CPD: variants seen among roughly 807,000 people sequenced by gnomAD.
The protein encoded by CPD is carboxypeptidase D.
CPD carries 69 observed loss-of-function variants against 138.3 expected under a neutral mutation model. That is an observed-to-expected ratio of 0.50 (90% CI 0.41 to 0.61). The LOEUF (loss-of-function observed/expected upper bound fraction) is 0.61. Ranked by LOEUF, CPD falls within the 20% of genes least tolerant of loss-of-function variation. The probability of loss-of-function intolerance (pLI) is 0.00; values close to 1 mark genes in which losing one functional copy is unlikely to be tolerated. For synonymous variants in CPD, 651 were observed against 642.1 expected (o/e 1.01, Z -0.21); for missense variants, 1,432 against 1,733.3 (o/e 0.83, Z 3.09).
intron 12 of CPD, among the ~76,000 whole-genome samples, chr17:30,447,269 G>A (rs558479876): frequency 1.3e-5 from 2 of 152,116 alleles, no homozygotes; most frequent in Non-Finnish European, 2.9e-5. Flanking sequence ...GTCCTGAATG[G>A]TATTGCCTAG....
intron 13 of CPD, among the ~76,000 whole-genome samples, chr17:30,450,034 C>T (rs1160376816): frequency 1.3e-5 from 2 of 151,396 alleles, no homozygotes; most frequent in African/African-American, 4.8e-5. Context: ...ACTACCCTTC[C>T]AGTCTTTATT....
In CPD at chr17:30,464,791, A is replaced by G. The variant is rs778264508; in HGVS notation, c.4120A>G (p.Thr1374Ala). 3 of 1,613,766 alleles carry G rather than the reference A, an allele frequency of 1.9e-6. No individual in the cohort carries two copies. The highest frequency in any genetic ancestry group is 2.2e-5 in the East Asian group (1 of 44,892). ...FQDETDTEEE[T>A]LYSSKH ...GGATGAAACAGACACTGAAGAGGAA[A>G]CATTATATTCTAGCAAACATTGAAA... The change falls in exon 21 of 21, where the codon ACA (threonine) becomes GCA (alanine). Residue 1374 changes from threonine (T) to alanine (A), a missense_variant. By Grantham distance (58) the Thr-to-Ala change is moderately conservative (BLOSUM62 0). Transcript: ENST00000225719.
chr17:30,398,988 A>T (rs989343635), intron 2 of CPD, among the ~76,000 whole-genome samples: 1 of 151,988 alleles, frequency 6.6e-6, no homozygotes, highest in African/African-American at 2.4e-5. Context: ...CTCTTCAGAC[A>T]TTTATGAGTT....
At chr17:30,429,531 C>G (rs534909877) in intron 7 of CPD, among the ~76,000 whole-genome samples, 1 of 152,116 alleles carries the variant, frequency 6.6e-6, no homozygotes, top group South Asian at 2.1e-4. Flanking sequence ...GTAAAAAATC[C>G]TCATAGAGTC....
At chr17:30,423,766 A>G in intron 6 of CPD, 69 bp downstream of exon 6, 1 of 1,184,204 alleles carries the variant, frequency 8.4e-7, no homozygotes, top group Non-Finnish European at 1.1e-6. Context: ...TGGAGAAGAG[A>G]ATTTGAACTG....
chr17:30,398,912 C>T (rs185845029), intron 2 of CPD, among the ~76,000 whole-genome samples: 27 of 150,268 alleles, frequency 1.8e-4, no homozygotes, highest in East Asian at 5.8e-4. Context: ...TGAATAAAGA[C>T]GTTTTGATAT....
At chr17:30,443,152 T>C (rs1394579970) in intron 10 of CPD, among the ~76,000 whole-genome samples, 1 of 152,180 alleles carries the variant, frequency 6.6e-6, no homozygotes, top group African/African-American at 2.4e-5. Context: ...GTAAATTTTA[T>C]TTACACACTC....
intron 2 of CPD, among the ~76,000 whole-genome samples, chr17:30,397,425 A>T (rs889748991): frequency 6.6e-6 from 1 of 152,154 alleles, no homozygotes; most frequent in Non-Finnish European, 1.5e-5. Context: ...ATGGAAAAAA[A>T]GTTCAAAGAG....
intron 2 of CPD, among the ~76,000 whole-genome samples, chr17:30,409,281 G>A (rs1043598914): frequency 4.6e-5 from 7 of 152,152 alleles, no homozygotes; most frequent in Admixed American, 2.0e-4. Flanking sequence ...AAGGATTTTC[G>A]CATCGACATT....
At chr17:30,428,904 A>G (rs1689941998) in intron 7 of CPD, among the ~76,000 whole-genome samples, 1 of 151,790 alleles carries the variant, frequency 6.6e-6, no homozygotes, top group South Asian at 2.1e-4. Flanking sequence ...AGTGACAAGT[A>G]TTAGCACCAG....
At chr17:30,421,130 A>G (rs563077557) in intron 3 of CPD, 147 bp downstream of exon 3, 57 of 627,902 alleles carry the variant, frequency 9.1e-5, no homozygotes, top group Admixed American at 2.8e-4. Flanking sequence ...TTTAAAGATT[A>G]TTAGATTATA....
chr17:30,463,135 C>T (rs546215113), intron 20 of CPD, among the ~76,000 whole-genome samples: 18 of 152,280 alleles, frequency 1.2e-4, no homozygotes, highest in African/African-American at 4.1e-4. Context: ...CAGTTTATGG[C>T]CATATTTTGG....
In CPD at chr17:30,464,717, G is replaced by T; in HGVS notation, c.4046G>T (p.Arg1349Leu). 1.9e-6 allele frequency: 3 copies of T among 1,613,946 alleles called. No individual in the cohort carries two copies. Among genetic ancestry groups the T allele is most frequent in the African/African-American group, 1.3e-5 (1 of 74,994 alleles). ...CATGATGAGTATGAAGATGAAATTC[G>T]CATGATGTCTACCGGCTCCAAGAAG... The part of the protein sequence containing the change: ...QHHDEYEDEI[R>L]MMSTGSKKSL... The change falls in exon 21 of 21, where the codon CGC (arginine) becomes CTC (leucine). Residue 1349 changes from arginine to leucine, a missense_variant. Around this residue, in one of 6 missense-constraint regions of CPD, gnomAD observed 366 missense variants for 518.8 expected, o/e 0.71. Transcript: ENST00000225719.
chr17:30,420,789 A>T (rs947274580), intron 2 of CPD, 52 bp from the exon 3 acceptor site: 3 of 1,498,456 alleles, frequency 2.0e-6, no homozygotes, highest in Non-Finnish European at 2.7e-6. Context: ...AGTCTTTTGG[A>T]GGGTAGAATT....
In CPD at chr17:30,445,751, C is replaced by T; in HGVS notation, c.2604C>T (p.Phe868=). The change falls in exon 12 of 21, where the codon TTC becomes TTT. Residue 868 remains phenylalanine (F), a synonymous_variant. Coordinates refer to ENST00000225719, the MANE Select transcript of CPD (RefSeq NM_001304.5). ...VKSEGAIQVN[F]TLVRSSTDSN... ...GTGAAGGCGCTATTCAGGTCAACTT[C>T]ACACTTGTTCGATCCTCAACAGATT... is the stretch of plus-strand genomic sequence containing the variant. 2 of 1,613,720 alleles carry T rather than the reference C, an allele frequency of 1.2e-6. No individual in the cohort carries two copies. Among genetic ancestry groups the T allele is most frequent in the Non-Finnish European group, 1.7e-6 (2 of 1,179,886 alleles).
intron 2 of CPD, among the ~76,000 whole-genome samples, chr17:30,420,423 T>C (rs1248972683): frequency 6.6e-6 from 1 of 152,238 alleles, no homozygotes; most frequent in Non-Finnish European, 1.5e-5. Context: ...AATTTCTTTG[T>C]GCCCTACTTT....
At position 30,426,093 on chromosome 17, in the gene CPD, G is replaced by A. The variant is rs1269183070; in HGVS notation, c.1850-1298G>A. 3.3e-5 allele frequency among the ~76,000 whole-genome samples: 5 copies of A among 152,010 alleles called. No individual in the cohort carries two copies. The East Asian group carries it at 5.8e-4, about 18-fold the overall frequency. On this transcript the variant is annotated intron_variant, in intron 6 of 20. Coordinates refer to ENST00000225719, the MANE Select transcript of CPD (RefSeq NM_001304.5). ...CGCACACCTGTAATCCCAGCTACTC[G>A]GGAGGCTGAGGCAGGAGAATGGCGT... is the stretch of plus-strand genomic sequence containing the variant.
At chr17:30,460,815 C>A in intron 17 of CPD, among the ~76,000 whole-genome samples, 1 of 152,160 alleles carries the variant, frequency 6.6e-6, no homozygotes, top group Admixed American at 6.5e-5. Flanking sequence ...TCCATAGCTT[C>A]AAGTACAACT....
At position 30,434,080 on chromosome 17, in the gene CPD, A is replaced by T. The variant is rs1170833202; in HGVS notation, c.2127+2199A>T. ...TAAGCCCCCATGAAGCTACCATTCAAAGTTTCTTTATTTTTACTCTTCAAA... is the reference window on the plus strand; with the variant it reads ...TAAGCCCCCATGAAGCTACCATTCATAGTTTCTTTATTTTTACTCTTCAAA... On this transcript the variant is annotated intron_variant, in intron 8 of 20. Coordinates refer to ENST00000225719, the MANE Select transcript of CPD (RefSeq NM_001304.5). Among the ~76,000 whole-genome samples, 3 of 152,256 alleles carry T rather than the reference A, an allele frequency of 2.0e-5. No individual in the cohort carries two copies. In the East Asian group the frequency reaches 5.8e-4, roughly 29 times the overall value.
Sources: allele counts gnomAD v4.1 joint callset (sites outside exome capture counted in the v4.1 genomes callset), GRCh38; gene constraint gnomAD v4.1.1; regional missense constraint gnomAD v4.1.1; transcripts MANE v1.5; gene names NCBI Gene and HGNC (gene_info 2026-07-23, HGNC 2026-07-21).